Variants in SEC22C observed in about 807,000 individuals in gnomAD.
SEC22C encodes the protein SEC22 homolog C, vesicle trafficking protein, also known as vesicle-trafficking protein SEC22c.
Under a neutral mutation model 34.7 loss-of-function variants are expected in SEC22C, and 29 were observed. The ratio of observed to expected loss-of-function variants is 0.84; its 90% CI spans 0.62 to 1.14. The LOEUF (loss-of-function observed/expected upper bound fraction) is 1.14, where lower values mean the gene tolerates loss of function less well. Ranked by LOEUF, SEC22C falls within the 50% of genes most tolerant of loss-of-function variation. SEC22C has a pLI of 0.00. For synonymous variants in SEC22C, 117 were observed against 132.8 expected, an observed-to-expected ratio of 0.88 and a Z score of 0.82; for missense variants, 337 against 369.0, an observed-to-expected ratio of 0.91 and a Z score of 0.71.
upstream of SEC22C, among the ~76,000 whole-genome samples, chr3:42,582,645 TCAAA>T (rs1212178225): frequency 1.3e-5 from 2 of 152,304 alleles, no homozygotes; most frequent in South Asian, 2.1e-4. Context: ...AGAGCACCCT[TCAAA>T]CAATCAAACA....
upstream of SEC22C, among the ~76,000 whole-genome samples, chr3:42,584,619 A>G (rs577678087): frequency 1.3e-5 from 2 of 152,222 alleles, no homozygotes; most frequent in Non-Finnish European, 2.9e-5. Flanking sequence ...TTACATAGCC[A>G]GAGAAAAATT....
Position 42,548,055 on chromosome 3 carries a change from C to T in SEC22C, c.*5193G>A, listed in dbSNP as rs2125687959. On this transcript the variant is annotated 3_prime_UTR_variant, in exon 7 of 7. Transcript: ENST00000264454. The stretch of plus-strand genomic sequence containing the variant: ...GGATATAAATGGCTATACATTTTTA[C>T]ACACTTTTATACAAGTTTAGGTTGT... 1 of 152,706 alleles carries T rather than the reference C, an allele frequency of 6.5e-6. No homozygotes were observed. Among genetic ancestry groups the T allele is most frequent in the South Asian group, 2.1e-4 (1 of 4,846 alleles). 9.5% of individuals were successfully genotyped at this position (152,706 alleles called of 1,614,324 possible).
At position 42,548,520 on chromosome 3, in the gene SEC22C, C is replaced by G; in HGVS notation, c.*4728G>C. ...CTGACATGCCCTTTTCCACAGGCTCCCTGCTGATGAGATTTCCCCAGCAGC... is the reference window on the plus strand; with the variant it reads ...CTGACATGCCCTTTTCCACAGGCTCGCTGCTGATGAGATTTCCCCAGCAGC... On this transcript the variant is annotated 3_prime_UTR_variant, in exon 7 of 7. Transcript: ENST00000264454. 2 of 1,415,664 alleles carry G rather than the reference C, an allele frequency of 1.4e-6. No homozygotes were observed. Among genetic ancestry groups the G allele is most frequent in the Non-Finnish European group, 2.0e-6 (2 of 1,006,656 alleles). 87.7% of individuals were successfully genotyped at this position (1,415,664 alleles called of 1,614,324 possible).
At chr3:42,575,922 T>C (rs1703933289) in intron 1 of SEC22C, among the ~76,000 whole-genome samples, 1 of 152,020 alleles carries the variant, frequency 6.6e-6, no homozygotes, top group African/African-American at 2.4e-5. Context: ...GGAGTTTAAG[T>C]CAAGAAACCA....
chr3:42,565,463 G>A (rs985930691), intron 2 of SEC22C, among the ~76,000 whole-genome samples: 2 of 152,194 alleles, frequency 1.3e-5, no homozygotes, highest in East Asian at 3.9e-4. Context: ...GGTGTGGGTT[G>A]AGTTTGTCCC....
At chr3:42,563,709 G>C (rs1216197810) in intron 2 of SEC22C, 23 bp from the exon 3 acceptor site, 1 of 1,613,132 alleles carries the variant, frequency 6.2e-7, no homozygotes, top group African/African-American at 1.3e-5. Context: ...GGCAATATCT[G>C]TATTACCAGG....
chr3:42,562,164 A>G lies in SEC22C; in HGVS notation c.347-868T>C, dbSNP rs926833417. 2.9e-4 allele frequency among the ~76,000 whole-genome samples: 44 copies of G among 152,348 alleles called. 1 individual carries two copies. Among genetic ancestry groups the G allele is most frequent in the African/African-American group, 7.9e-4 (33 of 41,588 alleles). ...TACAAACTGGCAAAGCAAAATCTGT[A>G]TAATTCTACTCTCAGTGTACTTTGA... On this transcript the variant is annotated intron_variant, in intron 3 of 6. Transcript: ENST00000264454.
intron 1 of SEC22C, among the ~76,000 whole-genome samples, chr3:42,589,349 T>A (rs1296745159): frequency 6.6e-6 from 1 of 152,138 alleles, no homozygotes; most frequent in East Asian, 1.9e-4. Context: ...GAAAGCCCAG[T>A]AAAGCAGATG....
chr3:42,559,644 T>A (rs934282075), intron 4 of SEC22C, among the ~76,000 whole-genome samples: 1 of 152,226 alleles, frequency 6.6e-6, no homozygotes, highest in Admixed American at 6.5e-5. Context: ...GAGTTTAGCA[T>A]AAAACAGTTA....
At chr3:42,554,389 G>A (rs915428891) in intron 6 of SEC22C, among the ~76,000 whole-genome samples, 1 of 152,110 alleles carries the variant, frequency 6.6e-6, no homozygotes, top group Admixed American at 6.6e-5. Flanking sequence ...CTGTTGCCCA[G>A]GCTGGAACAC....
chr3:42,551,492 C>A lies in SEC22C; in HGVS notation c.*1756G>T. 2.1e-6 allele frequency: 1 copy of A among 483,888 alleles called. No individual in the cohort carries two copies. The highest frequency in any genetic ancestry group is 2.7e-6 in the Non-Finnish European group (1 of 371,826). The allele number at this position is 483,888 out of a possible 1,614,324, so 30.0% of individuals were successfully genotyped here. On this transcript the variant is annotated 3_prime_UTR_variant, in exon 7 of 7. Transcript: ENST00000264454. Reference sequence around the variant, plus strand: ...AAAGTGCTGGGATTACAGGCATGTGCCATCACATCCGGCTAATTTTTTTTT... The same window carrying A: ...AAAGTGCTGGGATTACAGGCATGTGACATCACATCCGGCTAATTTTTTTTT...
intron 4 of SEC22C, 43 bp from the exon 5 acceptor site, chr3:42,557,739 C>A (rs1304261395): frequency 2.0e-6 from 2 of 1,016,748 alleles, no homozygotes; most frequent in African/African-American, 1.6e-5. Flanking sequence ...TAAGTAATTT[C>A]TACATGAAAG....
chr3:42,583,389 A>G (rs1704497874), upstream of SEC22C, among the ~76,000 whole-genome samples: 1 of 152,212 alleles, frequency 6.6e-6, no homozygotes, highest in African/African-American at 2.4e-5. Flanking sequence ...TGAAGGGGCG[A>G]TGAAGCAGCT....
In SEC22C at chr3:42,557,704, A is replaced by G. The variant is rs749773344; in HGVS notation, c.527-8T>C. 9.7e-6 allele frequency: 14 copies of G among 1,440,824 alleles called. No individual in the cohort carries two copies. The highest frequency in any genetic ancestry group is 1.7e-4 in the Middle Eastern group (1 of 5,748). The allele number at this position is 1,440,824 out of a possible 1,614,324, so 89.3% of individuals were successfully genotyped here. On this transcript the variant is annotated splice_polypyrimidine_tract_variant and splice_region_variant and intron_variant, in intron 4 of 6. Transcript: ENST00000264454. ...CCATTCGGAAATTAGGAGCTTCACA[A>G]TGGAAAAAAAACAAGTGTCTAGTGT...
chr3:42,553,146 T>C lies in SEC22C; in HGVS notation c.*102A>G. The C allele has an allele frequency of 1.3e-6, 2 of 1,507,228 alleles. No homozygotes were observed. The highest frequency in any genetic ancestry group is 1.3e-5 in the South Asian group (1 of 74,328). 93.4% of individuals were successfully genotyped at this position (1,507,228 alleles called of 1,614,324 possible). A position where few individuals can be genotyped will look rare whatever the true frequency, so the allele number is the denominator to read the frequency against. ...TTCCTGGTTTTTCAGTCCAGTTGGC[T>C]GAAAAGGATGGAAACTGGAGTGTAA... On this transcript the variant is annotated 3_prime_UTR_variant, in exon 7 of 7. Transcript: ENST00000264454.
chr3:42,557,447 T>C (rs903015557), intron 5 of SEC22C, 131 bp downstream of exon 5: 2 of 461,486 alleles, frequency 4.3e-6, no homozygotes, highest in Non-Finnish European at 7.8e-6. Flanking sequence ...AAGAATAAAA[T>C]TTATAATAAA....
chr3:42,595,758 G>T (rs536094672), intron 1 of SEC22C, among the ~76,000 whole-genome samples: 32 of 152,176 alleles, frequency 2.1e-4, no homozygotes, highest in Non-Finnish European at 4.7e-4. Context: ...GGAGTCAAGG[G>T]TTGCAACCTA....
intron 1 of SEC22C, among the ~76,000 whole-genome samples, chr3:42,592,038 A>C (rs1406508004): frequency 1.3e-5 from 2 of 152,188 alleles, no homozygotes; most frequent in Non-Finnish European, 2.9e-5. Flanking sequence ...TCAGTCTGTT[A>C]GTGACACACA....
At chr3:42,585,623 C>T (rs2125735669), upstream of SEC22C, among the ~76,000 whole-genome samples, 1 of 152,338 alleles carries the variant, frequency 6.6e-6, no homozygotes, top group South Asian at 2.1e-4. Flanking sequence ...TCACCTCCAT[C>T]ACATTCTTCC....
Sources: allele counts gnomAD v4.1 joint callset (sites outside exome capture counted in the v4.1 genomes callset), GRCh38; gene constraint gnomAD v4.1.1; transcripts MANE v1.5; gene names NCBI Gene and HGNC (gene_info 2026-07-23, HGNC 2026-07-21).